Variants in GPHN observed in about 807,000 individuals in gnomAD.
GPHN encodes the protein gephyrin.
Under a neutral mutation model 95.5 loss-of-function variants are expected in GPHN, and 17 were observed. The ratio of observed to expected loss-of-function variants is 0.18; its 90% confidence interval spans 0.12 to 0.27. The LOEUF (loss-of-function observed/expected upper bound fraction) is 0.27, where lower values mean the gene tolerates loss of function less well. Ranked by LOEUF, GPHN falls within the 10% of genes least tolerant of loss-of-function variation. GPHN has a pLI of 1.00. For synonymous variants in GPHN, 320 were observed against 322.5 expected (o/e 0.99, Z 0.08); for missense variants, 660 against 978.1 (o/e 0.67, Z 4.34).
At chr14:66,777,119 A>G (rs2059413995) in intron 3 of GPHN, among the ~76,000 whole-genome samples, 2 of 152,122 alleles carry the variant, frequency 1.3e-5, no homozygotes, top group Non-Finnish European at 2.9e-5. Context: ...AAATAGACGC[A>G]ATAAAAAATG....
At chr14:67,642,234 A>G in the GPHN span, 3 of 1,614,136 alleles carry the variant, frequency 1.9e-6, no homozygotes, top group Non-Finnish European at 2.5e-6. Context: ...CCAGTCCCCA[A>G]AGATGATCTC....
chr14:67,525,896 A>C, the GPHN span, among the ~76,000 whole-genome samples: 1 of 152,358 alleles, frequency 6.6e-6, no homozygotes, highest in Admixed American at 6.5e-5. Flanking sequence ...AAACCATTCC[A>C]GAAGCCATCT....
intron 1 of GPHN, among the ~76,000 whole-genome samples, chr14:66,584,575 T>A (rs1221367192): frequency 6.6e-6 from 1 of 152,158 alleles, no homozygotes; most frequent in African/African-American, 2.4e-5. Flanking sequence ...AATATCTAAT[T>A]TATTGAGAGT....
intron 1 of GPHN, among the ~76,000 whole-genome samples, chr14:66,562,834 G>A (rs2060319114): frequency 1.3e-5 from 2 of 152,162 alleles, no homozygotes; most frequent in African/African-American, 2.4e-5. Context: ...GCCCTTTCTA[G>A]TAGAGAGGAG....
the GPHN span, among the ~76,000 whole-genome samples, chr14:67,530,934 G>A: frequency 6.6e-6 from 1 of 152,226 alleles, no homozygotes; most frequent in Non-Finnish European, 1.5e-5. Flanking sequence ...TCCCATGGCA[G>A]CTAATACAAT....
At chr14:67,656,453 C>G in the GPHN span, 4 of 1,613,408 alleles carry the variant, frequency 2.5e-6, no homozygotes, top group Admixed American at 5.0e-5. Context: ...TCGTTGTTCC[C>G]CCAGCTCTTC....
intron 10 of GPHN, 66 bp downstream of exon 10, chr14:67,023,741 G>C (rs2073782604): frequency 2.3e-6 from 3 of 1,328,328 alleles, no homozygotes; most frequent in Non-Finnish European, 3.2e-6. Flanking sequence ...ATGATATTTT[G>C]GTGAAAAAAA....
At chr14:66,980,203 G>C (rs746107852) in intron 9 of GPHN, among the ~76,000 whole-genome samples, 2 of 152,096 alleles carry the variant, frequency 1.3e-5, no homozygotes, top group Non-Finnish European at 2.9e-5. Context: ...CGATAGATTC[G>C]CTTAACACAG....
At chr14:67,397,008 G>A in the GPHN span, among the ~76,000 whole-genome samples, 1 of 149,774 alleles carries the variant, frequency 6.7e-6, no homozygotes, top group Non-Finnish European at 1.5e-5. Context: ...GCGTGATCTC[G>A]GCTCACTGCA....
At chr14:67,465,817 C>T in the GPHN span, among the ~76,000 whole-genome samples, 4 of 152,140 alleles carry the variant, frequency 2.6e-5, no homozygotes, top group African/African-American at 4.8e-5. Context: ...CTGGATTACC[C>T]GGGTGGGCCC....
intron 1 of GPHN, among the ~76,000 whole-genome samples, chr14:66,669,956 CTTTTT>C (rs2066210803): frequency 6.6e-6 from 1 of 152,114 alleles, no homozygotes; most frequent in East Asian, 1.9e-4. Context: ...TGTCATTAGC[CTTTTT>C]TCATTCAGTT....
the GPHN span, among the ~76,000 whole-genome samples, chr14:67,328,714 G>C: frequency 2.0e-5 from 3 of 152,146 alleles, no homozygotes; most frequent in African/African-American, 7.2e-5. Context: ...AGTTTTCCCA[G>C]CACCATTTAT....
chr14:67,037,620 A>G (rs1256232285), intron 10 of GPHN, among the ~76,000 whole-genome samples: 1 of 151,910 alleles, frequency 6.6e-6, no homozygotes, highest in South Asian at 2.1e-4. Context: ...CAAATATCCC[A>G]ATTTAAAAAT....
rs567899558 is a variant in GPHN at position 66,755,280 on chromosome 14, T to A, written c.144-21184T>A. Reference sequence around the variant, plus strand: ...TATTAGCTTGACTTTACTGACTATGTTTGCTTAATATTAATCTATTAGAGC... The same window carrying A: ...TATTAGCTTGACTTTACTGACTATGATTGCTTAATATTAATCTATTAGAGC... On this transcript the variant is annotated intron_variant, in intron 2 of 22. Transcript: ENST00000478722. Among the ~76,000 whole-genome samples the A allele has an allele frequency of 2.0e-5, 3 of 152,264 alleles. No homozygotes were observed. In the South Asian group the frequency reaches 6.2e-4, roughly 32 times the overall value.
chr14:67,158,078 G>T (rs577595354), intron 18 of GPHN, among the ~76,000 whole-genome samples: 3 of 152,074 alleles, frequency 2.0e-5, no homozygotes, highest in African/African-American at 7.2e-5. Context: ...AGGCCGAGAC[G>T]GGTGGATCAC....
intron 9 of GPHN, among the ~76,000 whole-genome samples, chr14:66,971,309 C>G (rs1011612641): frequency 6.6e-6 from 1 of 152,082 alleles, no homozygotes; most frequent in Admixed American, 6.5e-5. Flanking sequence ...GCCTGGGCAA[C>G]GAGAACGAAA....
chr14:66,890,672 CA>C (rs775140740), intron 5 of GPHN, among the ~76,000 whole-genome samples: 2 of 150,864 alleles, frequency 1.3e-5, no homozygotes, highest in African/African-American at 4.9e-5. Context: ...GAAAAATGCT[CA>C]AAAAAAACCC....
At chr14:67,070,872 C>A (rs982242714) in intron 11 of GPHN, among the ~76,000 whole-genome samples, 1 of 151,590 alleles carries the variant, frequency 6.6e-6, no homozygotes, top group Non-Finnish European at 1.5e-5. Context: ...AATAAAATTA[C>A]CTATTCACAC....
At chr14:67,488,023 C>T in the GPHN span, among the ~76,000 whole-genome samples, 1 of 152,228 alleles carries the variant, frequency 6.6e-6, no homozygotes, top group African/African-American at 2.4e-5. Flanking sequence ...TAAAGCTTCC[C>T]TGAAAACCCC....
Sources: allele counts gnomAD v4.1 joint callset (sites outside exome capture counted in the v4.1 genomes callset), GRCh38; gene constraint gnomAD v4.1.1; transcripts MANE v1.5; gene names NCBI Gene and HGNC (gene_info 2026-07-23, HGNC 2026-07-21).